BTLA: variants seen among roughly 807,000 people sequenced by gnomAD.
The protein encoded by BTLA is B- and T-lymphocyte attenuator.
A neutral mutation model predicts 25.0 loss-of-function variants in BTLA; 11 were observed. The ratio of observed to expected loss-of-function variants is 0.44; its 90% CI spans 0.28 to 0.73. The LOEUF (loss-of-function observed/expected upper bound fraction) is 0.73, where lower values mean the gene tolerates loss of function less well. BTLA is among the 30% of genes least tolerant of loss of function. The pLI, the probability that BTLA is intolerant of heterozygous loss-of-function variation, is 0.15. For synonymous variants in BTLA, 104 were observed against 119.8 expected, an observed-to-expected ratio of 0.87 and a Z score of 0.86; for missense variants, 282 against 332.8, an observed-to-expected ratio of 0.85 and a Z score of 1.19.
At chr3:112,473,908 G>C (rs528798475) in intron 2 of BTLA, among the ~76,000 whole-genome samples, 11 of 152,196 alleles carry the variant, frequency 7.2e-5, no homozygotes, top group African/African-American at 2.6e-4. Context: ...GAGCCACCAC[G>C]CCCAGCCTTG....
intron 1 of BTLA, among the ~76,000 whole-genome samples, chr3:112,489,563 G>C (rs2082368589): frequency 6.6e-6 from 1 of 152,184 alleles, no homozygotes; most frequent in Non-Finnish European, 1.5e-5. Context: ...AATGAATGCA[G>C]ATTGCCTTAA....
chr3:112,498,980 G>A (rs1216763406), intron 1 of BTLA, among the ~76,000 whole-genome samples: 1 of 152,106 alleles, frequency 6.6e-6, no homozygotes, highest in Non-Finnish European at 1.5e-5. Context: ...TGATAGATTT[G>A]TACTTAACTA....
At chr3:112,496,976 T>C (rs912395509) in intron 1 of BTLA, among the ~76,000 whole-genome samples, 3 of 152,180 alleles carry the variant, frequency 2.0e-5, no homozygotes, top group Non-Finnish European at 4.4e-5. Flanking sequence ...GATCTGCCCG[T>C]CTTGGCTTCC....
At chr3:112,499,217 C>A in intron 1 of BTLA, 54 bp downstream of exon 1, 4 of 1,271,582 alleles carry the variant, frequency 3.1e-6, no homozygotes, top group Non-Finnish European at 4.6e-6. Flanking sequence ...GAGAATGTTG[C>A]CTCCAAGACC....
In BTLA at chr3:112,465,313, T is replaced by G. The variant is rs552558403; in HGVS notation, c.*795A>C. 77 of 152,764 alleles carry G rather than the reference T, an allele frequency of 5.0e-4. No individual in the cohort carries two copies. The highest frequency in any genetic ancestry group is 1.9e-3 in the African/African-American group (77 of 41,578). 9.5% of individuals were successfully genotyped at this position (152,764 alleles called of 1,614,324 possible). A position where few individuals can be genotyped will look rare whatever the true frequency, so the allele number is the denominator to read the frequency against. ...AGTGATACCTATTCTGACTAACTTT[T>G]AAACTATTCAGATGCCCATAAGTAT... On this transcript the variant is annotated 3_prime_UTR_variant, in exon 5 of 5. Coordinates refer to ENST00000334529, the MANE Select transcript of BTLA (RefSeq NM_181780.4).
intron 2 of BTLA, among the ~76,000 whole-genome samples, chr3:112,475,688 A>C (rs1396829877): frequency 2.0e-5 from 3 of 152,186 alleles, no homozygotes; most frequent in Admixed American, 1.3e-4. Flanking sequence ...TCTCGTATAG[A>C]AGTAGATTAG....
At chr3:112,480,319 T>C (rs2082311290) in intron 1 of BTLA, among the ~76,000 whole-genome samples, 1 of 152,240 alleles carries the variant, frequency 6.6e-6, no homozygotes, top group South Asian at 2.1e-4. Flanking sequence ...GACTCTCTTT[T>C]TGGACTCAGC....
At chr3:112,490,604 A>AAC (rs55894234) in intron 1 of BTLA, among the ~76,000 whole-genome samples, 1,598 of 142,302 alleles carry the variant, frequency 0.011, 18 homozygotes, top group African/African-American at 0.03. Flanking sequence ...TCCCTGGGTA[A>AAC]ACACACACAC....
chr3:112,466,961 T>C (rs1392048245), intron 4 of BTLA, among the ~76,000 whole-genome samples: 1 of 1,850 alleles, frequency 5.4e-4, no homozygotes, highest in African/African-American at 5.6e-4. Context: ...AATTCTTCTT[T>C]TTTTTTTTTT....
chr3:112,472,641 C>A (rs918020913), intron 2 of BTLA, among the ~76,000 whole-genome samples: 1 of 152,002 alleles, frequency 6.6e-6, no homozygotes, highest in African/African-American at 2.4e-5. Flanking sequence ...CTTCGGTGAA[C>A]CGAGATGGTA....
chr3:112,476,303 A>G (rs1010928669), intron 2 of BTLA, among the ~76,000 whole-genome samples: 6 of 152,228 alleles, frequency 3.9e-5, no homozygotes, highest in Non-Finnish European at 7.3e-5. Flanking sequence ...CTAAACTGCT[A>G]TGCATTTTTT....
At chr3:112,488,858 C>T (rs975252774) in intron 1 of BTLA, among the ~76,000 whole-genome samples, 10 of 152,194 alleles carry the variant, frequency 6.6e-5, no homozygotes, top group South Asian at 6.2e-4. Flanking sequence ...GTGATCCACC[C>T]GCCTTGGCCT....
intron 2 of BTLA, among the ~76,000 whole-genome samples, chr3:112,473,901 C>G (rs1226602500): frequency 2.0e-5 from 3 of 152,032 alleles, no homozygotes; most frequent in African/African-American, 7.3e-5. Flanking sequence ...CAGATGTGAG[C>G]CACCACGCCC....
At chr3:112,477,168 T>C (rs1288262273) in intron 2 of BTLA, among the ~76,000 whole-genome samples, 1 of 152,152 alleles carries the variant, frequency 6.6e-6, no homozygotes, top group Non-Finnish European at 1.5e-5. Flanking sequence ...TGTGAACATA[T>C]ATTTTAATTT....
In BTLA at chr3:112,471,355, T is replaced by C. The variant is rs768075074; in HGVS notation, c.404A>G (p.Asp135Gly). The stretch of plus-strand genomic sequence containing the variant: ...GGGTCGTTCTGAGGCACTTTTTACA[T>C]CTGGAATGTTAGTAAATGCTAAAGA... Reference protein sequence around the residue: ...ESHSTTLYVTDVKSASERPSK... With the variant: ...ESHSTTLYVTGVKSASERPSK... Residue 135 changes from aspartate (D) to glycine (G), a missense_variant and splice_region_variant, in exon 3 of 5, where the codon GAT becomes GGT. Asp to Gly is a moderately conservative substitution (Grantham distance 94, BLOSUM62 -1). Transcript: ENST00000334529. The C allele has an allele frequency of 6.2e-7, 1 of 1,613,470 alleles. No homozygotes were observed. Among genetic ancestry groups the C allele is most frequent in the Non-Finnish European group, 8.5e-7 (1 of 1,179,604 alleles).
chr3:112,477,619 T>A (rs2082295919), intron 2 of BTLA, among the ~76,000 whole-genome samples: 1 of 152,106 alleles, frequency 6.6e-6, no homozygotes, highest in Non-Finnish European at 1.5e-5. Flanking sequence ...TATCTATTTT[T>A]GGTGTTATTG....
At chr3:112,472,696 CA>C (rs562525215) in intron 2 of BTLA, among the ~76,000 whole-genome samples, 3 of 147,288 alleles carry the variant, frequency 2.0e-5, no homozygotes, top group Admixed American at 6.7e-5. Context: ...CCATCTCAAA[CA>C]AAAAAAAAAT....
intron 1 of BTLA, among the ~76,000 whole-genome samples, chr3:112,483,148 T>TC (rs1487959751): frequency 7.0e-6 from 1 of 142,566 alleles, no homozygotes; most frequent in African/African-American, 2.6e-5. Flanking sequence ...TTCTTTTTTT[T>TC]TTTTTTTTTT....
intron 1 of BTLA, among the ~76,000 whole-genome samples, chr3:112,483,774 C>G (rs1048823980): frequency 1.3e-5 from 2 of 151,874 alleles, no homozygotes; most frequent in Non-Finnish European, 2.9e-5. Flanking sequence ...TTAAGACCAG[C>G]CTGACCAACA....
Sources: allele counts gnomAD v4.1 joint callset (sites outside exome capture counted in the v4.1 genomes callset), GRCh38; gene constraint gnomAD v4.1.1; transcripts MANE v1.5; gene names NCBI Gene and HGNC (gene_info 2026-07-23, HGNC 2026-07-21).